GOLGA3: variants seen among roughly 807,000 people sequenced by gnomAD.
The protein encoded by GOLGA3 is golgin A3.
In GOLGA3, 75 loss-of-function variants were observed where a neutral mutation model predicts 169.4. The ratio of observed to expected loss-of-function variants is 0.44; its 90% CI spans 0.37 to 0.54. The LOEUF is 0.54. Ranked by LOEUF, GOLGA3 falls within the 20% of genes least tolerant of loss-of-function variation. GOLGA3 has a pLI of 0.00. For missense variants in GOLGA3, 1,899 were observed against 1,930.0 expected (o/e 0.98, Z 0.30); for synonymous variants, 824 against 822.4 (o/e 1.00, Z -0.03).
Position 132,796,601 on chromosome 12 carries a change from C to T in GOLGA3, c.2038G>A (p.Glu680Lys). The change falls in exon 10 of 24, where the codon GAG (glutamate) becomes AAG (lysine). Residue 680 changes from glutamate to lysine, a missense_variant. Coordinates refer to ENST00000450791, the MANE Select transcript of GOLGA3 (RefSeq NM_001389683.1). ...LQRRLEEFEGERERLQRMADS... is the reference protein window; with the variant it reads ...LQRRLEEFEGKRERLQRMADS... ...GCCATCCTCTGCAGCCGCTCCCTCT[C>T]ACCTTCAAACTCTTCCAGCCTCCTC... 1 of 1,614,054 alleles carries T rather than the reference C, an allele frequency of 6.2e-7. No individual in the cohort carries two copies. Among genetic ancestry groups the T allele is most frequent in the Non-Finnish European group, 8.5e-7 (1 of 1,180,044 alleles).
In GOLGA3 at chr12:132,784,174, A is replaced by T; in HGVS notation, c.3257T>A (p.Leu1086Gln). The T allele has an allele frequency of 6.2e-7, 1 of 1,608,202 alleles. No homozygotes were observed. The highest frequency in any genetic ancestry group is 8.5e-7 in the Non-Finnish European group (1 of 1,179,972). Residue 1086 changes from leucine (L) to glutamine (Q), a missense_variant, in exon 16 of 24, where the codon CTG becomes CAG. Coordinates refer to ENST00000450791, the MANE Select transcript of GOLGA3 (RefSeq NM_001389683.1). Reference sequence around the variant, plus strand: ...ATGGCCAGGCCTCACCTCGTCCTCCAGCTCCAGCACCTTCTCCCGGGACTC... The same window carrying T: ...ATGGCCAGGCCTCACCTCGTCCTCCTGCTCCAGCACCTTCTCCCGGGACTC... Reference protein sequence around the residue: ...LEESREKVLELEDELQESRGF... With the variant: ...LEESREKVLEQEDELQESRGF...
rs1025397257 is a variant in GOLGA3, at chr12:132,773,058, A to G, written c.*47T>C. The G allele has an allele frequency of 1.5e-5, 19 of 1,296,294 alleles. No homozygotes were observed. Among genetic ancestry groups the G allele is most frequent in the South Asian group, 2.8e-5 (2 of 70,806 alleles). The allele number at this position is 1,296,294 out of a possible 1,614,324, so 80.3% of individuals were successfully genotyped here. A position where few individuals can be genotyped will look rare whatever the true frequency, so the allele number is the denominator to read the frequency against. ...CCACACAATCAAATAAATAACATTG[A>G]TAAGAGCCTTCTGGGGCAGCGGCGC... On this transcript the variant is annotated 3_prime_UTR_variant, in exon 24 of 24. Transcript: ENST00000450791.
intron 1 of GOLGA3, among the ~76,000 whole-genome samples, chr12:132,826,762 G>A (rs1950431220): frequency 6.6e-6 from 1 of 152,128 alleles, no homozygotes; most frequent in African/African-American, 2.4e-5. Context: ...TCCCAGTCTT[G>A]CTTGATTTTT....
chr12:132,803,816 CT>C (rs1949250375), intron 7 of GOLGA3, among the ~76,000 whole-genome samples: 1 of 152,196 alleles, frequency 6.6e-6, no homozygotes, highest in Admixed American at 6.5e-5. Flanking sequence ...CCAGGGACCC[CT>C]GGCTCAGGAG....
chr12:132,781,642 A>T (rs1305293506), intron 17 of GOLGA3, among the ~76,000 whole-genome samples: 2 of 152,106 alleles, frequency 1.3e-5, no homozygotes, highest in African/African-American at 4.8e-5. Context: ...TACAAAAAGA[A>T]CAGAAGTGGT....
Position 132,798,243 on chromosome 12 carries a change from G to T in GOLGA3, c.1938+97C>A, listed in dbSNP as rs882377. The T allele has an allele frequency of 2.1e-5, 24 of 1,166,010 alleles. 1 individual carries two copies. Among genetic ancestry groups the T allele is most frequent in the Non-Finnish European group, 2.9e-5 (24 of 839,442 alleles). 72.2% of individuals were successfully genotyped at this position (1,166,010 alleles called of 1,614,324 possible). A position where few individuals can be genotyped will look rare whatever the true frequency, so the allele number is the denominator to read the frequency against. Reference sequence around the variant, plus strand: ...CCGCCATCCATGAGAATATTTAAGAGATACACACAGAGAGACGGAACATGT... The same window carrying T: ...CCGCCATCCATGAGAATATTTAAGATATACACACAGAGAGACGGAACATGT... On this transcript the variant is annotated intron_variant, in intron 9 of 23. Coordinates refer to ENST00000450791, the MANE Select transcript of GOLGA3 (RefSeq NM_001389683.1).
chr12:132,789,411 TAA>T, intron 12 of GOLGA3, 121 bp from the exon 13 acceptor site: 2 of 774,510 alleles, frequency 2.6e-6, no homozygotes, highest in South Asian at 3.7e-5. Context: ...TTTTTTGAGG[TAA>T]AGATACATTT....
intron 1 of GOLGA3, among the ~76,000 whole-genome samples, chr12:132,823,839 T>C (rs1212630885): frequency 6.7e-6 from 1 of 149,494 alleles, no homozygotes; most frequent in East Asian, 2.0e-4. Context: ...TCCCATAACT[T>C]TGGGGGGTCA....
intron 1 of GOLGA3, among the ~76,000 whole-genome samples, chr12:132,827,159 G>A (rs796290033): frequency 2.0e-5 from 3 of 152,102 alleles, no homozygotes; most frequent in Non-Finnish European, 2.9e-5. Context: ...ACACCACCTC[G>A]TTTCACCTGT....
chr12:132,819,000 A>G (rs539086859), intron 2 of GOLGA3, among the ~76,000 whole-genome samples: 2 of 152,286 alleles, frequency 1.3e-5, no homozygotes, highest in Admixed American at 1.3e-4. Context: ...ATTTCTTTCA[A>G]TGAAGTGATT....
At chr12:132,817,521 A>T (rs1437046021) in intron 2 of GOLGA3, among the ~76,000 whole-genome samples, 1 of 36,906 alleles carries the variant, frequency 2.7e-5, no homozygotes. Flanking sequence ...CGCACTCCAC[A>T]CCTCCACGCT....
At chr12:132,813,491 G>A (rs1949813562) in intron 3 of GOLGA3, 72 bp from the exon 4 acceptor site, 4 of 815,288 alleles carry the variant, frequency 4.9e-6, no homozygotes, top group Admixed American at 2.4e-5. Context: ...ACAAGAACTT[G>A]GTCATTTTGT....
At chr12:132,826,044 CCT>C (rs1950400015) in intron 1 of GOLGA3, 6 of 1,320,278 alleles carry the variant, frequency 4.5e-6, no homozygotes, top group Non-Finnish European at 6.6e-6. Flanking sequence ...CACCTGTTCC[CCT>C]GCTTCAGGGA....
In GOLGA3 at chr12:132,777,777, T is replaced by C. The variant is rs745977137; in HGVS notation, c.3611A>G (p.His1204Arg). The change falls in exon 19 of 24, where the codon CAT becomes CGT. Residue 1204 changes from histidine to arginine, a missense_variant. By Grantham distance (29) the His-to-Arg change is conservative (BLOSUM62 0). Transcript: ENST00000450791. This position sits in a 1 kb window ranked among gnomAD's most constrained non-coding sequence, Gnocchi z 4.7. ...GGCCGCCTTGAAGTGGCGGCGGTTA[T>C]GCCCGGCTTCCACCTTGGCAGCAGC... ...QVAAAKVEAG[H>R]NRRHFKAASL... is the part of the protein sequence containing the mutation. 6.2e-7 allele frequency: 1 copy of C among 1,613,684 alleles called. No homozygotes were observed. Among genetic ancestry groups the C allele is most frequent in the Non-Finnish European group, 8.5e-7 (1 of 1,179,908 alleles).
At position 132,769,199 on chromosome 12, in the gene GOLGA3, A is replaced by C. The variant is rs1233841444; in HGVS notation, c.*3906T>G. On this transcript the variant is annotated 3_prime_UTR_variant, in exon 24 of 24. Transcript: ENST00000450791. ...ATTCACCTGGACCTTCCGGTCAGTG[A>C]GCTCAGAACACCTCACACCACAGCG... 1 of 152,220 alleles carries C rather than the reference A, an allele frequency of 6.6e-6. No homozygotes were observed. The highest frequency in any genetic ancestry group is 1.5e-5 in the Non-Finnish European group (1 of 68,050). 9.4% of individuals were successfully genotyped at this position (152,220 alleles called of 1,614,324 possible).
At chr12:132,791,427 C>T in intron 11 of GOLGA3, 134 bp from the exon 12 acceptor site, 1 of 587,502 alleles carries the variant, frequency 1.7e-6, no homozygotes, top group Admixed American at 2.8e-5. Flanking sequence ...GGAGGGGACA[C>T]ATCCTCACAG....
chr12:132,788,049 A>G (rs1218351416), intron 13 of GOLGA3, among the ~76,000 whole-genome samples: 2 of 151,736 alleles, frequency 1.3e-5, no homozygotes, highest in African/African-American at 2.4e-5. Context: ...CCAGGCCTGC[A>G]GCTGTGGGGT....
intron 16 of GOLGA3, among the ~76,000 whole-genome samples, chr12:132,783,055 G>T (rs2045694839): frequency 6.6e-6 from 1 of 152,084 alleles, no homozygotes; most frequent in African/African-American, 2.4e-5. Context: ...AATTATCCAG[G>T]TGTGGTGGCG....
chr12:132,825,033 C>T (rs1950353107), intron 1 of GOLGA3, among the ~76,000 whole-genome samples: 1 of 152,206 alleles, frequency 6.6e-6, no homozygotes. Flanking sequence ...CGGAGGACTA[C>T]ACGCGGTGGA....
Sources: allele counts gnomAD v4.1 joint callset (sites outside exome capture counted in the v4.1 genomes callset), GRCh38; gene constraint gnomAD v4.1.1; non-coding constraint Gnocchi (gnomAD v3.1); transcripts MANE v1.5; gene names NCBI Gene and HGNC (gene_info 2026-07-23, HGNC 2026-07-21).